Variants in RBPMS observed in about 807,000 individuals in gnomAD.
The protein encoded by RBPMS is RNA binding protein, mRNA processing factor.
A neutral mutation model predicts 26.8 loss-of-function variants in RBPMS; 7 were observed. The observed-to-expected ratio is 0.26, with a 90% CI of 0.15 to 0.49. RBPMS has a LOEUF of 0.49. Among genes scored for constraint, RBPMS ranks in the 20% least tolerant of loss-of-function variants. The pLI is 0.98. For synonymous variants in RBPMS, 96 were observed against 93.3 expected, an observed-to-expected ratio of 1.03 and a Z score of -0.17; for missense variants, 186 against 250.0, an observed-to-expected ratio of 0.74 and a Z score of 1.73.
intron 4 of RBPMS, among the ~76,000 whole-genome samples, chr8:30,483,687 A>G (rs905190526): frequency 2.0e-5 from 3 of 152,078 alleles, no homozygotes; most frequent in African/African-American, 4.8e-5. Context: ...ATGTTATGCA[A>G]TCATTACCAC....
chr8:30,431,032 ATTCT>A (rs763540676), intron 1 of RBPMS, among the ~76,000 whole-genome samples: 1 of 152,188 alleles, frequency 6.6e-6, no homozygotes, highest in African/African-American at 2.4e-5. Flanking sequence ...TTTCAGATGT[ATTCT>A]TTATTAGTCT....
intron 1 of RBPMS, among the ~76,000 whole-genome samples, chr8:30,464,006 T>G (rs993930169): frequency 1.3e-5 from 2 of 152,108 alleles, no homozygotes; most frequent in African/African-American, 4.8e-5. Context: ...AACAAAAAAA[T>G]TAGCCAGGCC....
intron 6 of RBPMS, among the ~76,000 whole-genome samples, chr8:30,549,772 T>TC (rs1554543821): frequency 0.012 from 828 of 71,130 alleles, 44 homozygotes; most frequent in African/African-American, 0.057. Context: ...TTTTCTTTTC[T>TC]TCTCTCTCTC....
intron 1 of RBPMS, among the ~76,000 whole-genome samples, chr8:30,434,621 T>C (rs943632453): frequency 2.0e-5 from 3 of 151,422 alleles, no homozygotes; most frequent in African/African-American, 7.3e-5. Context: ...GGACAGTCAC[T>C]TGAACCGGGA....
chr8:30,425,526 G>C (rs1041430129), intron 1 of RBPMS, among the ~76,000 whole-genome samples: 19 of 152,006 alleles, frequency 1.2e-4, no homozygotes, highest in African/African-American at 3.6e-4. Flanking sequence ...TCAGCCTCCT[G>C]AGTAGCTGGG....
chr8:30,446,857 G>GCGCGCACGTGCA lies in RBPMS; in HGVS notation c.67-27920_67-27919insCGCACGTGCACG, dbSNP rs71206255. 1.1e-4 allele frequency: 16 copies of GCGCGCACGTGCA among 146,228 alleles called. 1 individual carries two copies. The highest frequency in any genetic ancestry group is 4.1e-4 in the African/African-American group (16 of 39,078). 9.1% of individuals were successfully genotyped at this position (146,228 alleles called of 1,614,324 possible). A position where few individuals can be genotyped will look rare whatever the true frequency, so the allele number is the denominator to read the frequency against. On this transcript the variant is annotated intron_variant, in intron 1 of 8. Coordinates refer to ENST00000397323, the MANE Select transcript of RBPMS (RefSeq NM_001008710.3). ...TGTGTGTGTGTGCGCGCGCGCGCGC[G>GCGCGCACGTGCA]CGGTGGAGGGTAGTGGGGTAGAGAT... is the stretch of plus-strand genomic sequence containing the variant.
At chr8:30,488,842 G>C (rs1343852562) in intron 4 of RBPMS, among the ~76,000 whole-genome samples, 1 of 152,188 alleles carries the variant, frequency 6.6e-6, no homozygotes, top group Non-Finnish European at 1.5e-5. Flanking sequence ...TTGAGGCTAA[G>C]AAGAGAACAA....
At chr8:30,569,399 G>C (rs879246032) in intron 8 of RBPMS, among the ~76,000 whole-genome samples, 1 of 152,194 alleles carries the variant, frequency 6.6e-6, no homozygotes. Flanking sequence ...CCCCTGTGAG[G>C]AGCTCAGAGG....
intron 1 of RBPMS, among the ~76,000 whole-genome samples, chr8:30,463,205 T>C (rs1357813743): frequency 1.3e-5 from 2 of 152,228 alleles, no homozygotes; most frequent in Admixed American, 1.3e-4. Context: ...TCTATGCACA[T>C]TGCATGTAGT....
At chr8:30,391,019 G>A (rs927209229) in intron 1 of RBPMS, among the ~76,000 whole-genome samples, 1 of 152,152 alleles carries the variant, frequency 6.6e-6, no homozygotes, top group African/African-American at 2.4e-5. Flanking sequence ...TGGATCGGCT[G>A]GAAAATTACT....
intron 1 of RBPMS, among the ~76,000 whole-genome samples, chr8:30,441,268 A>G (rs1813043817): frequency 6.6e-6 from 1 of 152,128 alleles, no homozygotes. Flanking sequence ...ACTTGCTCCT[A>G]AACACTGTTT....
chr8:30,532,573 A>G (rs1181461796), intron 5 of RBPMS, among the ~76,000 whole-genome samples: 5 of 152,244 alleles, frequency 3.3e-5, no homozygotes, highest in Admixed American at 2.6e-4. Flanking sequence ...AACATTTACA[A>G]CTAAAGGACT....
At chr8:30,537,068 G>A (rs1404158798) in intron 5 of RBPMS, among the ~76,000 whole-genome samples, 2 of 152,192 alleles carry the variant, frequency 1.3e-5, no homozygotes, top group African/African-American at 4.8e-5. Context: ...CAGGTCATAG[G>A]AAGGAGGAGG....
chr8:30,463,077 G>A (rs1816113540), intron 1 of RBPMS, among the ~76,000 whole-genome samples: 1 of 152,114 alleles, frequency 6.6e-6, no homozygotes, highest in South Asian at 2.1e-4. Flanking sequence ...ACCATCACAT[G>A]CACCTTCTCT....
chr8:30,478,551 G>A (rs546262701), intron 3 of RBPMS, among the ~76,000 whole-genome samples: 2 of 150,598 alleles, frequency 1.3e-5, no homozygotes, highest in East Asian at 3.9e-4. Context: ...CCAGGCTGGA[G>A]TGCAGTGGCG....
At chr8:30,418,728 G>GCC (rs1464103454) in intron 1 of RBPMS, among the ~76,000 whole-genome samples, 1 of 151,974 alleles carries the variant, frequency 6.6e-6, no homozygotes, top group Non-Finnish European at 1.5e-5. Flanking sequence ...ACAGGCATGT[G>GCC]CCACCAGGCC....
At chr8:30,556,107 CCCCCA>C in intron 6 of RBPMS, 1 of 985,350 alleles carries the variant, frequency 1.0e-6, no homozygotes, top group Non-Finnish European at 1.2e-6. Flanking sequence ...TGAGAAGAGC[CCCCCA>C]CTTGGCAAGC....
intron 1 of RBPMS, among the ~76,000 whole-genome samples, chr8:30,474,028 C>A (rs1817424962): frequency 6.6e-6 from 1 of 152,084 alleles, no homozygotes; most frequent in Non-Finnish European, 1.5e-5. Flanking sequence ...AGCAAACCAC[C>A]ATGGTATGTG....
chr8:30,532,648 C>G (rs758218237), intron 5 of RBPMS, among the ~76,000 whole-genome samples: 1 of 152,158 alleles, frequency 6.6e-6, no homozygotes, highest in African/African-American at 2.4e-5. Context: ...CACCACCATA[C>G]GCATACATTC....
Sources: gnomAD v4.1 joint callset for allele counts (sites outside exome capture counted in the v4.1 genomes callset) on GRCh38, gnomAD v4.1.1 for gene constraint, MANE v1.5 for transcripts, NCBI Gene and HGNC (gene_info 2026-07-23, HGNC 2026-07-21) for gene names.